The following NSD1 variants were observed in gnomAD, a reference collection of about 807,000 sequenced individuals.
The protein encoded by NSD1 is histone-lysine N-methyltransferase, H3 lysine-36 specific.
A neutral mutation model predicts 242.7 loss-of-function variants in NSD1; 26 were observed. The observed-to-expected ratio is 0.11, with a 90% CI of 0.08 to 0.15. The LOEUF (loss-of-function observed/expected upper bound fraction) is 0.15. Among genes scored for constraint, NSD1 ranks in the 10% least tolerant of loss-of-function variants. The pLI, the probability that NSD1 is intolerant of heterozygous loss-of-function variation, is 1.00. For missense variants in NSD1, 2,495 were observed against 3,272.8 expected (o/e 0.76, Z 5.80); for synonymous variants, 1,106 against 1,178.1 (o/e 0.94, Z 1.25).
intron 5 of NSD1, among the ~76,000 whole-genome samples, chr5:177,216,647 T>A (rs1381509571): frequency 2.0e-5 from 3 of 151,832 alleles, no homozygotes; most frequent in African/African-American, 7.3e-5. Context: ...TGACCATGTA[T>A]GTGATTTATT....
chr5:177,148,076 A>G (rs1360820751), intron 2 of NSD1, among the ~76,000 whole-genome samples: 1 of 151,804 alleles, frequency 6.6e-6, no homozygotes, highest in Non-Finnish European at 1.5e-5. Context: ...TGGGATAAAT[A>G]CCAGTAGAAC....
In NSD1 at chr5:177,297,605, A is replaced by T. The variant is rs934656349; in HGVS notation, c.*2146A>T. 6.0e-6 allele frequency: 1 copy of T among 165,800 alleles called. No individual in the cohort carries two copies. Among genetic ancestry groups the T allele is most frequent in the African/African-American group, 3.0e-5 (1 of 33,574 alleles). The allele number at this position is 165,800 out of a possible 1,614,324, so 10.3% of individuals were successfully genotyped here. On this transcript the variant is annotated 3_prime_UTR_variant, in exon 23 of 23. Transcript: ENST00000439151. ...TGCACTGTCAGAGTCTCCTTTCACT[A>T]TGTTGTGTGTTAAATTACCGTAGCT...
At chr5:177,252,399 A>G (rs542441109) in intron 12 of NSD1, among the ~76,000 whole-genome samples, 1 of 152,300 alleles carries the variant, frequency 6.6e-6, no homozygotes, top group Non-Finnish European at 1.5e-5. Flanking sequence ...TGTGTACATT[A>G]TACATCGATA....
intron 2 of NSD1, chr5:177,136,740 C>G: frequency 1.9e-6 from 1 of 521,404 alleles, no homozygotes; most frequent in Non-Finnish European, 3.4e-6. Context: ...ATTACTGGTA[C>G]CCATCACCAC....
chr5:177,292,529 C>T (rs1759923911), intron 22 of NSD1, among the ~76,000 whole-genome samples: 1 of 152,098 alleles, frequency 6.6e-6, no homozygotes, highest in Non-Finnish European at 1.5e-5. Context: ...GTTTTTGACT[C>T]CAAGACTATT....
chr5:177,290,771 A>G lies in NSD1; in HGVS notation c.6259-1183A>G, dbSNP rs116639454. On this transcript the variant is annotated intron_variant, in intron 21 of 22. Coordinates refer to ENST00000439151, the MANE Select transcript of NSD1 (RefSeq NM_022455.5). ...GTTAAATAAGGAGAATCACCTCTAT[A>G]TTATACTGGATTTTATTGTGCTTTT... Among the ~76,000 whole-genome samples the G allele has an allele frequency of 7.2e-3, 1,099 of 152,276 alleles. 13 individuals carry two copies. Among genetic ancestry groups the G allele is most frequent in the African/African-American group, 0.026 (1,063 of 41,546 alleles).
intron 12 of NSD1, among the ~76,000 whole-genome samples, chr5:177,254,545 G>A (rs753209147): frequency 3.3e-5 from 5 of 151,986 alleles, no homozygotes; most frequent in African/African-American, 4.8e-5. Context: ...GATACCAGGC[G>A]TGCACCACCA....
intron 3 of NSD1, among the ~76,000 whole-genome samples, chr5:177,196,247 A>G (rs762383151): frequency 3.3e-5 from 5 of 152,070 alleles, no homozygotes; most frequent in Non-Finnish European, 7.4e-5. Context: ...AAATTTTGTT[A>G]TTTTTATCTC....
chr5:177,228,928 A>G (rs34832871), intron 5 of NSD1, among the ~76,000 whole-genome samples: 21,698 of 152,118 alleles, frequency 0.14, 2,023 homozygotes, highest in East Asian at 0.51. Context: ...TAATCTGTAT[A>G]TAGTTAATCC....
intron 20 of NSD1, 49 bp downstream of exon 20, chr5:177,283,977 T>C (rs1759099709): frequency 6.2e-7 from 1 of 1,609,770 alleles, no homozygotes; most frequent in Non-Finnish European, 8.5e-7. Context: ...TTTCAGGGCT[T>C]TTGTTTTTTA....
chr5:177,268,938 A>T (rs1262644228), intron 15 of NSD1, among the ~76,000 whole-genome samples: 1 of 152,032 alleles, frequency 6.6e-6, no homozygotes, highest in Non-Finnish European at 1.5e-5. Context: ...TGGTTTATAT[A>T]CTTGGGACCT....
chr5:177,234,793 A>G (rs1474639470), intron 5 of NSD1, among the ~76,000 whole-genome samples: 3 of 152,226 alleles, frequency 2.0e-5, no homozygotes, highest in Non-Finnish European at 4.4e-5. Flanking sequence ...TTTAGAGGAA[A>G]CATTTTAAAA....
At chr5:177,133,614 A>T (rs1756017398), upstream of NSD1, 1 of 148,806 alleles carries the variant, frequency 6.7e-6, no homozygotes, top group African/African-American at 2.5e-5. The surrounding 1 kb of genome is among the most constrained non-coding windows in gnomAD (Gnocchi z 6.2). Context: ...GCCCGACTTC[A>T]CCCGCCCTGA....
chr5:177,187,895 G>A (rs1761361541), intron 2 of NSD1, among the ~76,000 whole-genome samples: 1 of 152,168 alleles, frequency 6.6e-6, no homozygotes, highest in Non-Finnish European at 1.5e-5. Context: ...TCTTGTGTGT[G>A]TGTAGAGTGG....
At chr5:177,281,804 C>T (rs2127259215) in intron 18 of NSD1, among the ~76,000 whole-genome samples, 1 of 152,298 alleles carries the variant, frequency 6.6e-6, no homozygotes, top group South Asian at 2.1e-4. Context: ...AGGCTCGCAT[C>T]ACCACGCCTG....
At position 177,217,412 on chromosome 5, in the gene NSD1, G is replaced by T. The variant is rs999517980; in HGVS notation, c.3796+5217G>T. 3.3e-5 allele frequency among the ~76,000 whole-genome samples: 5 copies of T among 151,980 alleles called. No homozygotes were observed. The East Asian group carries it at 9.6e-4, about 29-fold the overall frequency. On this transcript the variant is annotated intron_variant, in intron 5 of 22. Coordinates refer to ENST00000439151, the MANE Select transcript of NSD1 (RefSeq NM_022455.5). ...AATCTTTAGGGTTTCCTACATAAAG[G>T]TTCATGTCATCTGCAAAGAGATAAT...
chr5:177,238,097 C>A lies in NSD1; in HGVS notation c.3922-140C>A, dbSNP rs1765596967. The A allele has an allele frequency of 1.1e-6, 1 of 872,062 alleles. No homozygotes were observed. The highest frequency in any genetic ancestry group is 1.9e-6 in the Non-Finnish European group (1 of 523,868). 54.0% of individuals were successfully genotyped at this position (872,062 alleles called of 1,614,324 possible). On this transcript the variant is annotated intron_variant, in intron 6 of 22. Transcript: ENST00000439151. The surrounding 1 kb of genome is among the most constrained non-coding windows in gnomAD (Gnocchi z 4.6). ...TTGTGTCTTAAGTAATTTCCCTTAG[C>A]ATACATAATGTCTTCAAGGTTCATC...
intron 2 of NSD1, among the ~76,000 whole-genome samples, chr5:177,175,027 A>G (rs925937631): frequency 6.6e-6 from 1 of 151,148 alleles, no homozygotes; most frequent in Non-Finnish European, 1.5e-5. Context: ...ACCCGCCACC[A>G]CGCCCGGCTA....
intron 14 of NSD1, chr5:177,266,175 G>A: frequency 9.4e-7 from 1 of 1,062,526 alleles, no homozygotes; most frequent in Non-Finnish European, 1.5e-6. Context: ...TGTTGAGCAT[G>A]GACTCGTAGA....
Sources: allele counts gnomAD v4.1 joint callset (sites outside exome capture counted in the v4.1 genomes callset), GRCh38; gene constraint gnomAD v4.1.1; non-coding constraint Gnocchi (gnomAD v3.1); transcripts MANE v1.5; gene names NCBI Gene and HGNC (gene_info 2026-07-23, HGNC 2026-07-21).